ERBB4: variants seen among roughly 807,000 people sequenced by gnomAD.
The protein encoded by ERBB4 is erb-b2 receptor tyrosine kinase 4.
Under a neutral mutation model 158.0 loss-of-function variants are expected in ERBB4, and 42 were observed. The observed-to-expected ratio is 0.27, with a 90% CI of 0.21 to 0.34. The LOEUF (loss-of-function observed/expected upper bound fraction) is 0.34, where lower values mean the gene tolerates loss of function less well. Ranked by LOEUF, ERBB4 falls within the 10% of genes least tolerant of loss-of-function variation. The probability of loss-of-function intolerance (pLI) is 1.00; values close to 1 mark genes in which losing one functional copy is unlikely to be tolerated. For missense variants in ERBB4, 1,333 were observed against 1,624.1 expected (o/e 0.82, Z 3.08); for synonymous variants, 583 against 558.7 (o/e 1.04, Z -0.61).
intron 1 of ERBB4, among the ~76,000 whole-genome samples, chr2:212,440,935 A>G (rs1166149308): frequency 6.6e-6 from 1 of 152,178 alleles, no homozygotes; most frequent in African/African-American, 2.4e-5. Flanking sequence ...AGAAGCAGAT[A>G]CTGAGCCTCA....
chr2:212,019,660 G>A (rs1468798664), intron 2 of ERBB4, among the ~76,000 whole-genome samples: 1 of 151,514 alleles, frequency 6.6e-6, no homozygotes, highest in African/African-American at 2.4e-5. Flanking sequence ...CTACTTAGGT[G>A]GCTGAGGCAC....
intron 1 of ERBB4, among the ~76,000 whole-genome samples, chr2:212,516,068 G>A (rs1691823344): frequency 6.6e-6 from 1 of 151,840 alleles, no homozygotes; most frequent in African/African-American, 2.4e-5. Context: ...TATAAAATAA[G>A]TACAAAACCT....
intron 1 of ERBB4, among the ~76,000 whole-genome samples, chr2:212,192,098 GTTATATA>G (rs1320768271): frequency 5.5e-4 from 50 of 90,390 alleles, no homozygotes; most frequent in East Asian, 2.8e-3. Flanking sequence ...TATTATATAA[GTTATATA>G]TTATATATTA....
chr2:212,049,482 G>A (rs1178301530), intron 2 of ERBB4, among the ~76,000 whole-genome samples: 30 of 152,046 alleles, frequency 2.0e-4, no homozygotes, highest in Non-Finnish European at 1.5e-5. Context: ...GGAGACTAGA[G>A]GACCAGGCTT....
intron 2 of ERBB4, among the ~76,000 whole-genome samples, chr2:212,075,402 T>C (rs1304277021): frequency 6.6e-6 from 1 of 151,930 alleles, no homozygotes; most frequent in Non-Finnish European, 1.5e-5. Flanking sequence ...GGAATAAAAT[T>C]ATACAATCAT....
intron 1 of ERBB4, among the ~76,000 whole-genome samples, chr2:212,192,028 A>G (rs1340430558): frequency 3.9e-4 from 7 of 17,850 alleles, no homozygotes; most frequent in Non-Finnish European, 9.6e-4. Flanking sequence ...TATGTTATAT[A>G]TGTTATATGT....
At chr2:211,815,626 G>A (rs2076867216) in intron 3 of ERBB4, among the ~76,000 whole-genome samples, 1 of 152,170 alleles carries the variant, frequency 6.6e-6, no homozygotes, top group Non-Finnish European at 1.5e-5. Flanking sequence ...TATGGTGTAT[G>A]TGATAGTTAA....
chr2:211,572,861 C>A (rs1380052504), intron 19 of ERBB4, among the ~76,000 whole-genome samples: 2 of 152,146 alleles, frequency 1.3e-5, no homozygotes, highest in Non-Finnish European at 1.5e-5. Context: ...CAGATATGGT[C>A]ATTGATGGCA....
At chr2:211,675,487 C>A (rs2072025991) in intron 13 of ERBB4, among the ~76,000 whole-genome samples, 1 of 151,854 alleles carries the variant, frequency 6.6e-6, no homozygotes, top group Non-Finnish European at 1.5e-5. Flanking sequence ...TAGTCTGGTT[C>A]CCTCTTTGAT....
chr2:212,339,990 C>T (rs1044726589), intron 1 of ERBB4, among the ~76,000 whole-genome samples: 1 of 151,788 alleles, frequency 6.6e-6, no homozygotes, highest in Non-Finnish European at 1.5e-5. Context: ...CAGAGCAGAG[C>T]TTTTACTCTC....
intron 3 of ERBB4, among the ~76,000 whole-genome samples, chr2:211,897,159 A>G (rs1465507711): frequency 6.6e-6 from 1 of 151,422 alleles, no homozygotes; most frequent in Admixed American, 6.6e-5. Flanking sequence ...TCTAAAGAAA[A>G]ATATCATAAA....
At chr2:211,712,623 A>G (rs1436611322) in intron 8 of ERBB4, among the ~76,000 whole-genome samples, 1 of 152,170 alleles carries the variant, frequency 6.6e-6, no homozygotes, top group African/African-American at 2.4e-5. Flanking sequence ...AATTTTAAAA[A>G]CAGTGGTCTA....
At chr2:211,660,647 G>C (rs2071391708) in intron 15 of ERBB4, among the ~76,000 whole-genome samples, 2 of 152,100 alleles carry the variant, frequency 1.3e-5, no homozygotes, top group Non-Finnish European at 2.9e-5. Context: ...TGGTTAACGG[G>C]GAAAGAAGGC....
chr2:212,408,178 C>T (rs988412177), intron 1 of ERBB4, among the ~76,000 whole-genome samples: 8 of 151,894 alleles, frequency 5.3e-5, no homozygotes, highest in African/African-American at 1.9e-4. Flanking sequence ...CTGCACCTAT[C>T]AAACCATCAC....
chr2:212,050,193 T>C (rs2077363972), intron 2 of ERBB4, among the ~76,000 whole-genome samples: 1 of 152,100 alleles, frequency 6.6e-6, no homozygotes, highest in South Asian at 2.1e-4. Context: ...CCAAACAGGG[T>C]ATGTCTGTCT....
chr2:211,870,762 C>T (rs571368548), intron 3 of ERBB4, among the ~76,000 whole-genome samples: 2 of 152,202 alleles, frequency 1.3e-5, no homozygotes, highest in East Asian at 1.9e-4. Context: ...TGTATATATA[C>T]TCTCAGTGTC....
intron 25 of ERBB4, among the ~76,000 whole-genome samples, chr2:211,398,395 T>G (rs2062964661): frequency 6.6e-6 from 1 of 152,170 alleles, no homozygotes; most frequent in Admixed American, 6.6e-5. Flanking sequence ...AGAAGTAAAC[T>G]AGGATGCACT....
At chr2:212,306,350 C>T (rs980518230) in intron 1 of ERBB4, among the ~76,000 whole-genome samples, 1 of 151,402 alleles carries the variant, frequency 6.6e-6, no homozygotes, top group African/African-American at 2.4e-5. Flanking sequence ...TCTGAGTATA[C>T]ACAAACACAA....
intron 4 of ERBB4, among the ~76,000 whole-genome samples, chr2:211,763,663 G>A (rs1380919918): frequency 1.3e-5 from 2 of 151,980 alleles, no homozygotes; most frequent in Admixed American, 6.6e-5. Context: ...TTGAGACTGA[G>A]TTTTTGTTAC....
Sources: allele counts gnomAD v4.1 joint callset (sites outside exome capture counted in the v4.1 genomes callset), GRCh38; gene constraint gnomAD v4.1.1; transcripts MANE v1.5; gene names NCBI Gene and HGNC (gene_info 2026-07-23, HGNC 2026-07-21).